PSMC6: variants seen among roughly 807,000 people sequenced by gnomAD.
PSMC6 encodes the protein proteasome 26S subunit, ATPase 6, also known as 26S proteasome regulatory subunit 10B.
Under a neutral mutation model 55.9 loss-of-function variants are expected in PSMC6, and 3 were observed. The observed-to-expected ratio is 0.05, with a 90% CI of 0.02 to 0.14. The LOEUF is 0.14. PSMC6 is among the 10% of genes least tolerant of loss of function. The pLI, the probability that PSMC6 is intolerant of heterozygous loss-of-function variation, is 1.00. For missense variants in PSMC6, 210 were observed against 478.7 expected (o/e 0.44, Z 5.24); for synonymous variants, 137 against 155.9 (o/e 0.88, Z 0.90).
chr14:52,708,449 G>T, intron 2 of PSMC6, 34 bp from the exon 3 acceptor site: 1 of 1,613,436 alleles, frequency 6.2e-7, no homozygotes, highest in Non-Finnish European at 8.5e-7. Flanking sequence ...TTTAGCTGTT[G>T]CCAAAAAGTA....
intron 13 of PSMC6, among the ~76,000 whole-genome samples, chr14:52,726,991 T>C (rs976217505): frequency 1.3e-5 from 2 of 149,544 alleles, no homozygotes; most frequent in African/African-American, 4.9e-5. Flanking sequence ...GTTTTTGTTT[T>C]AGAACATAAT....
chr14:52,716,416 A>G (rs913417370), intron 7 of PSMC6, among the ~76,000 whole-genome samples: 4 of 152,226 alleles, frequency 2.6e-5, no homozygotes, highest in Non-Finnish European at 5.9e-5. Context: ...TAGCCAAGAT[A>G]TAGAAACAGC....
intron 13 of PSMC6, among the ~76,000 whole-genome samples, chr14:52,726,690 G>A (rs1356191603): frequency 5.3e-5 from 8 of 152,074 alleles, no homozygotes; most frequent in African/African-American, 1.9e-4. Flanking sequence ...CACCCAGACT[G>A]GAGTGCAGTG....
At chr14:52,714,141 A>G (rs1331264472) in intron 7 of PSMC6, 173 bp downstream of exon 7, 1 of 443,710 alleles carries the variant, frequency 2.3e-6, no homozygotes, top group African/African-American at 2.0e-5. Flanking sequence ...TCCGGGCTCA[A>G]GTGATTCTCC....
intron 11 of PSMC6, 63 bp downstream of exon 11, chr14:52,721,044 C>G: frequency 2.5e-6 from 4 of 1,589,118 alleles, no homozygotes; most frequent in Non-Finnish European, 3.4e-6. Context: ...TTCCATACTT[C>G]ACTTCACCTT....
At chr14:52,714,139 C>G (rs2041804681) in intron 7 of PSMC6, 171 bp downstream of exon 7, 1 of 441,646 alleles carries the variant, frequency 2.3e-6, no homozygotes, top group Non-Finnish European at 4.0e-6. Context: ...CTTCCGGGCT[C>G]AAGTGATTCT....
chr14:52,708,293 A>G lies in PSMC6; in HGVS notation c.86-16A>G. The G allele has an allele frequency of 1.3e-6, 2 of 1,586,164 alleles. No homozygotes were observed. The highest frequency in any genetic ancestry group is 1.7e-6 in the Non-Finnish European group (2 of 1,154,920). ...ATTACTGTTCAATTAAAAATGTTCA[A>G]ATTGTATTATTTCAGTAAGGGAACA... On this transcript the variant is annotated splice_polypyrimidine_tract_variant and intron_variant, in intron 1 of 13. Coordinates refer to ENST00000445930, the MANE Select transcript of PSMC6 (RefSeq NM_002806.5).
intron 10 of PSMC6, 135 bp from the exon 11 acceptor site, chr14:52,720,726 A>G (rs1025184647): frequency 4.4e-6 from 3 of 686,344 alleles, no homozygotes; most frequent in African/African-American, 3.7e-5. Flanking sequence ...AAAGAATTCT[A>G]TCAAATGACC....
At chr14:52,709,884 G>C (rs1244129215) in intron 4 of PSMC6, 4 of 193,648 alleles carry the variant, frequency 2.1e-5, no homozygotes, top group Admixed American at 6.1e-5. Context: ...GAGCATTTTG[G>C]ATTTTCAGAT....
intron 10 of PSMC6, among the ~76,000 whole-genome samples, chr14:52,720,012 C>CCT (rs2041871002): frequency 1.3e-5 from 2 of 152,046 alleles, no homozygotes; most frequent in African/African-American, 4.8e-5. Flanking sequence ...ATCATGAGGT[C>CCT]TGAGCATTGA....
chr14:52,718,496 T>A, intron 9 of PSMC6, 144 bp downstream of exon 9: 1 of 925,446 alleles, frequency 1.1e-6, no homozygotes, highest in Non-Finnish European at 1.6e-6. Flanking sequence ...TTTTAATAAA[T>A]AACCTTTCAT....
intron 13 of PSMC6, among the ~76,000 whole-genome samples, chr14:52,725,883 AC>A (rs1462474969): frequency 1.3e-5 from 2 of 152,256 alleles, no homozygotes; most frequent in Admixed American, 1.3e-4. Flanking sequence ...TGCAAGGTTT[AC>A]AAAAATAACT....
At chr14:52,719,151 T>G (rs533265324) in intron 10 of PSMC6, 113 bp downstream of exon 10, 1 of 953,938 alleles carries the variant, frequency 1.0e-6, no homozygotes, top group South Asian at 1.7e-5. Flanking sequence ...AAATATGAAA[T>G]TTGAAAATAT....
Position 52,728,309 on chromosome 14 carries a change from C to G in PSMC6, c.*692C>G, listed in dbSNP as rs1163319800. 6.6e-6 allele frequency: 1 copy of G among 152,180 alleles called. No individual in the cohort carries two copies. Among genetic ancestry groups the G allele is most frequent in the Non-Finnish European group, 1.5e-5 (1 of 68,044 alleles). 9.4% of individuals were successfully genotyped at this position (152,180 alleles called of 1,614,324 possible). A position where few individuals can be genotyped will look rare whatever the true frequency, so the allele number is the denominator to read the frequency against. On this transcript the variant is annotated 3_prime_UTR_variant, in exon 14 of 14. Coordinates refer to ENST00000445930, the MANE Select transcript of PSMC6 (RefSeq NM_002806.5). ...CAACGTAATATTTGCTAATATGTGA[C>G]TGGGTTTTCTTGGTTTATGTAAGAC... is the stretch of plus-strand genomic sequence containing the variant.
chr14:52,720,818 A>T, intron 10 of PSMC6, 43 bp from the exon 11 acceptor site: 2 of 1,496,472 alleles, frequency 1.3e-6, no homozygotes, highest in African/African-American at 1.4e-5. Flanking sequence ...TATTTTTTTT[A>T]ATGGTTAGAA....
chr14:52,720,538 T>C (rs1455136572), intron 10 of PSMC6, among the ~76,000 whole-genome samples: 2 of 152,112 alleles, frequency 1.3e-5, no homozygotes, highest in Non-Finnish European at 2.9e-5. Context: ...TGATGAAATT[T>C]TGGACATTGG....
intron 12 of PSMC6, 156 bp from the exon 13 acceptor site, chr14:52,723,809 C>G: frequency 7.1e-7 from 1 of 1,405,062 alleles, no homozygotes; most frequent in Non-Finnish European, 9.3e-7. Context: ...TAACAGAAGT[C>G]TTAGTTTTTG....
intron 6 of PSMC6, 120 bp downstream of exon 6, chr14:52,711,644 A>T: frequency 2.0e-6 from 1 of 511,554 alleles, no homozygotes; most frequent in Non-Finnish European, 3.4e-6. Flanking sequence ...TAAGAATATT[A>T]TGTATTTACT....
chr14:52,723,754 T>A (rs1477850926), intron 12 of PSMC6: 2 of 1,176,906 alleles, frequency 1.7e-6, no homozygotes, highest in Non-Finnish European at 2.2e-6. Context: ...TTCCTGTTTT[T>A]AAAGTTTCAG....
Sources: gnomAD v4.1 joint callset for allele counts (sites outside exome capture counted in the v4.1 genomes callset) on GRCh38, gnomAD v4.1.1 for gene constraint, MANE v1.5 for transcripts, NCBI Gene and HGNC (gene_info 2026-07-23, HGNC 2026-07-21) for gene names.